Variants in TGFBR1 observed in about 807,000 individuals in gnomAD.
TGFBR1 encodes transforming growth factor beta receptor 1.
A neutral mutation model predicts 55.1 loss-of-function variants in TGFBR1; 20 were observed. That is an observed-to-expected ratio of 0.36 (90% CI 0.26 to 0.53). The LOEUF is 0.53. Among genes scored for constraint, TGFBR1 ranks in the 20% least tolerant of loss-of-function variants. The pLI is 0.91. For missense variants in TGFBR1, 385 were observed against 617.6 expected (o/e 0.62, Z 3.99); for synonymous variants, 220 against 214.8 (o/e 1.02, Z -0.21).
chr9:99,130,439 C>T (rs1176515310), intron 2 of TGFBR1, among the ~76,000 whole-genome samples: 8 of 152,224 alleles, frequency 5.3e-5, no homozygotes, highest in Admixed American at 1.3e-4. Context: ...GATAATGCAG[C>T]TCCCCTGTGG....
chr9:99,137,773 T>C, intron 3 of TGFBR1, 86 bp from the exon 4 acceptor site: 1 of 1,043,628 alleles, frequency 9.6e-7, no homozygotes, highest in Non-Finnish European at 1.5e-6. Context: ...GTATCAGTTT[T>C]CTGGGTCACT....
At chr9:99,129,171 GAAGGGATCATAA>G in intron 2 of TGFBR1, 71 bp downstream of exon 2, 1 of 1,540,322 alleles carries the variant, frequency 6.5e-7, no homozygotes, top group Non-Finnish European at 8.9e-7. Flanking sequence ...TTTAGAACTG[GAAGGGATCATAA>G]AAATTGTCTA....
intron 1 of TGFBR1, among the ~76,000 whole-genome samples, chr9:99,118,489 G>T (rs1473398268): frequency 3.3e-5 from 5 of 151,756 alleles, no homozygotes; most frequent in Non-Finnish European, 7.4e-5. Context: ...TTTAAATTCT[G>T]CAATTTACTG....
chr9:99,116,620 C>T (rs1359078111), intron 1 of TGFBR1, among the ~76,000 whole-genome samples: 1 of 152,182 alleles, frequency 6.6e-6, no homozygotes, highest in African/African-American at 2.4e-5. Context: ...GTATAAATAA[C>T]ATCAAGACCC....
In TGFBR1 at chr9:99,152,603, G is replaced by A. The variant is rs140654961; in HGVS notation, c.*3298G>A. The A allele has an allele frequency of 1.9e-4, 43 of 228,726 alleles. No individual in the cohort carries two copies. The East Asian group carries it at 2.6e-3, about 14-fold the overall frequency. The allele number at this position is 228,726 out of a possible 1,614,324, so 14.2% of individuals were successfully genotyped here. A position where few individuals can be genotyped will look rare whatever the true frequency, so the allele number is the denominator to read the frequency against. ...AAGATGGCAAAGAGATCGTTAGAGTGCACAACAAAATCACTATCCCATTAG... is the reference window on the plus strand; with the variant it reads ...AAGATGGCAAAGAGATCGTTAGAGTACACAACAAAATCACTATCCCATTAG... On this transcript the variant is annotated 3_prime_UTR_variant, in exon 9 of 9. Transcript: ENST00000374994.
intron 2 of TGFBR1, among the ~76,000 whole-genome samples, chr9:99,131,771 C>A (rs1588578920): frequency 6.6e-6 from 1 of 151,998 alleles, no homozygotes; most frequent in Non-Finnish European, 1.5e-5. Context: ...GGGTTCGAGA[C>A]CAGCCTGAGC....
chr9:99,121,761 T>C (rs1328396943), intron 1 of TGFBR1, among the ~76,000 whole-genome samples: 2 of 152,152 alleles, frequency 1.3e-5, no homozygotes, highest in East Asian at 3.9e-4. Context: ...AAGAAAAGTA[T>C]AGTTGTGCTG....
upstream of TGFBR1, chr9:99,105,107 C>A (rs939480495): frequency 1.0e-6 from 1 of 961,016 alleles, no homozygotes; most frequent in Non-Finnish European, 1.3e-6. Context: ...GGAGCGAGGC[C>A]GCCGCGGCGG....
chr9:99,135,889 CTG>C (rs1827425086), intron 3 of TGFBR1, among the ~76,000 whole-genome samples: 1 of 135,660 alleles, frequency 7.4e-6, no homozygotes, highest in Admixed American at 8.2e-5. Context: ...GAGTTTCACT[CTG>C]TTGCCCAGGC....
chr9:99,111,655 G>A (rs1826585611), intron 1 of TGFBR1, among the ~76,000 whole-genome samples: 1 of 151,940 alleles, frequency 6.6e-6, no homozygotes, highest in African/African-American at 2.4e-5. Flanking sequence ...CAAAAAAACA[G>A]CAACAAACCA....
intron 1 of TGFBR1, among the ~76,000 whole-genome samples, chr9:99,125,485 A>G (rs1483107568): frequency 5.3e-5 from 8 of 152,252 alleles, no homozygotes; most frequent in Admixed American, 4.6e-4. Flanking sequence ...TAGGACCCAT[A>G]TAGCACTTGC....
Position 99,149,314 on chromosome 9 carries a change from C to T in TGFBR1, c.*9C>T. 6.2e-7 allele frequency: 1 copy of T among 1,613,560 alleles called. No homozygotes were observed. Among genetic ancestry groups the T allele is most frequent in the Non-Finnish European group, 8.5e-7 (1 of 1,179,632 alleles). The stretch of plus-strand genomic sequence containing the variant: ...AAGGCATCAAAATGTAATTCTACAG[C>T]TTTGCCTGAACTCTCCTTTTTTCTT... On this transcript the variant is annotated 3_prime_UTR_variant, in exon 9 of 9. Transcript: ENST00000374994.
chr9:99,126,637 A>G (rs1392922676), intron 1 of TGFBR1, among the ~76,000 whole-genome samples: 1 of 152,198 alleles, frequency 6.6e-6, no homozygotes, highest in East Asian at 1.9e-4. Flanking sequence ...GAAAATGTAA[A>G]TACATATAAC....
intron 3 of TGFBR1, among the ~76,000 whole-genome samples, chr9:99,136,628 G>A (rs1490213925): frequency 6.6e-6 from 1 of 152,092 alleles, no homozygotes; most frequent in Non-Finnish European, 1.5e-5. Context: ...GTTATTTATA[G>A]TTATACTGCT....
intron 1 of TGFBR1, among the ~76,000 whole-genome samples, chr9:99,116,884 C>T (rs1198782996): frequency 6.6e-6 from 1 of 152,180 alleles, no homozygotes; most frequent in Non-Finnish European, 1.5e-5. Flanking sequence ...TCAGTCAACA[C>T]TAGATGCTTA....
At chr9:99,138,679 C>T (rs1337154061) in intron 4 of TGFBR1, among the ~76,000 whole-genome samples, 1 of 152,154 alleles carries the variant, frequency 6.6e-6, no homozygotes, top group Non-Finnish European at 1.5e-5. Context: ...AGGTCAGATG[C>T]TGAAGAAGGA....
chr9:99,116,455 G>A (rs1380086391), intron 1 of TGFBR1, among the ~76,000 whole-genome samples: 2 of 152,224 alleles, frequency 1.3e-5, no homozygotes, highest in East Asian at 3.8e-4. Flanking sequence ...CTTAGTCTCT[G>A]TAACTGGGAA....
chr9:99,129,618 G>C (rs1203028239), intron 2 of TGFBR1, among the ~76,000 whole-genome samples: 1 of 152,094 alleles, frequency 6.6e-6, no homozygotes, highest in Non-Finnish European at 1.5e-5. Context: ...ATTTCCTGGG[G>C]CTGGGTGCGG....
upstream of TGFBR1, among the ~76,000 whole-genome samples, chr9:99,104,883 A>G (rs535755302): frequency 2.6e-5 from 4 of 151,732 alleles, no homozygotes; most frequent in Non-Finnish European, 5.9e-5. Flanking sequence ...CCGGGAGCCG[A>G]TCGGGCCGGG....
Sources: allele counts gnomAD v4.1 joint callset (sites outside exome capture counted in the v4.1 genomes callset), GRCh38; gene constraint gnomAD v4.1.1; transcripts MANE v1.5; gene names NCBI Gene and HGNC (gene_info 2026-07-23, HGNC 2026-07-21).